Variants in MACROD1 observed in about 807,000 individuals in gnomAD.
The protein encoded by MACROD1 is ADP-ribose glycohydrolase MACROD1.
In MACROD1, 31 loss-of-function variants were observed where a neutral mutation model predicts 41.4. The observed-to-expected ratio is 0.75, with a 90% CI of 0.56 to 1.01. MACROD1 has a LOEUF of 1.01. Among genes scored for constraint, MACROD1 ranks in the 50% least tolerant of loss-of-function variants. The pLI is 0.00. For synonymous variants in MACROD1, 252 were observed against 203.4 expected, an observed-to-expected ratio of 1.24 and a Z score of -2.03; for missense variants, 473 against 460.0, an observed-to-expected ratio of 1.03 and a Z score of -0.26.
rs1012604281 is a variant in MACROD1, at chr11:64,068,841, G to A, written c.518-53560C>T. On this transcript the variant is annotated intron_variant, in intron 3 of 10. Transcript: ENST00000255681. The stretch of plus-strand genomic sequence containing the variant: ...CCTGTGTCACTGAGCAGCCCTCCCA[G>A]CCTGGTTGAGTGAGCCTCGGCCTTC... Among the ~76,000 whole-genome samples, 21 of 152,250 alleles carry A rather than the reference G, an allele frequency of 1.4e-4. No homozygotes were observed. In the East Asian group the frequency reaches 4.0e-3, roughly 29 times the overall value.
chr11:64,022,543 G>A (rs1005912508), intron 3 of MACROD1, among the ~76,000 whole-genome samples: 4 of 152,178 alleles, frequency 2.6e-5, no homozygotes, highest in Admixed American at 6.5e-5. Flanking sequence ...GTGGGTATCC[G>A]TGTGACTTGA....
chr11:64,059,682 CTG>C (rs1943859321), intron 3 of MACROD1, among the ~76,000 whole-genome samples: 1 of 152,188 alleles, frequency 6.6e-6, no homozygotes, highest in African/African-American at 2.4e-5. Context: ...GATGGGGAAA[CTG>C]AGGCCTAGGC....
intron 3 of MACROD1, chr11:64,148,734 C>T (rs1010502397): frequency 1.1e-5 from 11 of 985,616 alleles, no homozygotes; most frequent in Non-Finnish European, 1.1e-5. Flanking sequence ...TATGCAGCCC[C>T]GAAAAGCCCT....
intron 3 of MACROD1, chr11:64,117,434 T>C (rs747095942): frequency 3.3e-5 from 54 of 1,612,728 alleles, no homozygotes; most frequent in Non-Finnish European, 4.4e-5. Context: ...GCGTGGCCAA[T>C]GCGGCTGCCA....
intron 2 of MACROD1, 49 bp downstream of exon 2, chr11:64,152,243 C>T: frequency 6.5e-7 from 1 of 1,538,926 alleles, no homozygotes. Flanking sequence ...TTCTCCCAAG[C>T]CACGGGTCTG....
intron 3 of MACROD1, among the ~76,000 whole-genome samples, chr11:64,052,336 A>G (rs1476764679): frequency 6.6e-6 from 1 of 152,144 alleles, no homozygotes; most frequent in Non-Finnish European, 1.5e-5. Flanking sequence ...GTGACCCTGG[A>G]AAGAGTTTTT....
chr11:64,032,761 G>A lies in MACROD1; in HGVS notation c.518-17480C>T, dbSNP rs1238305371. On this transcript the variant is annotated intron_variant, in intron 3 of 10. Coordinates refer to ENST00000255681, the MANE Select transcript of MACROD1 (RefSeq NM_014067.4). ...CCACAGCTCCCAGGGGCTCGGCAAG[G>A]GTTTGTTGACTGAACAGTGATCTTT... 2.6e-5 allele frequency among the ~76,000 whole-genome samples: 4 copies of A among 152,112 alleles called. No homozygotes were observed. In the East Asian group the frequency reaches 5.8e-4, roughly 22 times the overall value.
intron 3 of MACROD1, among the ~76,000 whole-genome samples, chr11:64,035,079 C>T (rs1239742119): frequency 6.6e-6 from 1 of 152,208 alleles, no homozygotes; most frequent in African/African-American, 2.4e-5. Context: ...TCTTCTTCAT[C>T]TCTCACAGTA....
intron 3 of MACROD1, chr11:64,138,685 G>T (rs1945366545): frequency 2.7e-6 from 1 of 367,468 alleles, no homozygotes; most frequent in Non-Finnish European, 3.8e-6. Flanking sequence ...AAGACAGGGA[G>T]GAGGCAGCAG....
intron 4 of MACROD1, among the ~76,000 whole-genome samples, chr11:64,002,247 G>A (rs1942838026): frequency 6.6e-6 from 1 of 152,198 alleles, no homozygotes. Context: ...GAAGTCTCTG[G>A]GGGCTCACCG....
At chr11:64,061,173 T>C (rs530354716) in intron 3 of MACROD1, among the ~76,000 whole-genome samples, 1 of 152,322 alleles carries the variant, frequency 6.6e-6, no homozygotes, top group East Asian at 1.9e-4. Context: ...TTGTAATGAG[T>C]ATGGATTTGC....
At chr11:64,060,836 G>A (rs901278762) in intron 3 of MACROD1, among the ~76,000 whole-genome samples, 7 of 152,170 alleles carry the variant, frequency 4.6e-5, no homozygotes, top group African/African-American at 1.7e-4. Context: ...CCGGGTCCCG[G>A]AGCCGGCGGG....
chr11:64,067,398 A>T lies in MACROD1; in HGVS notation c.518-52117T>A, dbSNP rs76628678. 1.3e-5 allele frequency among the ~76,000 whole-genome samples: 2 copies of T among 152,162 alleles called. No individual in the cohort carries two copies. Among genetic ancestry groups the T allele is most frequent in the Non-Finnish European group, 2.9e-5 (2 of 68,022 alleles). ...GACGTGAAAATGAAATATAGATTCA[A>T]TACCTGAGCCTTTCAGCTCACAAAT... On this transcript the variant is annotated intron_variant, in intron 3 of 10. Coordinates refer to ENST00000255681, the MANE Select transcript of MACROD1 (RefSeq NM_014067.4). This position sits in a 1 kb window ranked among gnomAD's most constrained non-coding sequence, Gnocchi z 4.6.
At chr11:64,163,543 A>G (rs1945789064) in intron 1 of MACROD1, among the ~76,000 whole-genome samples, 1 of 152,186 alleles carries the variant, frequency 6.6e-6, no homozygotes, top group African/African-American at 2.4e-5. Context: ...AGCTTAGGAC[A>G]TCTATCCCAT....
At chr11:64,017,746 G>A (rs1377594259) in intron 3 of MACROD1, among the ~76,000 whole-genome samples, 1 of 152,092 alleles carries the variant, frequency 6.6e-6, no homozygotes, top group African/African-American at 2.4e-5. Flanking sequence ...GGCAGTCCTG[G>A]CAGCGGTCGG....
At chr11:64,002,561 C>T (rs962533234) in intron 4 of MACROD1, among the ~76,000 whole-genome samples, 1 of 152,148 alleles carries the variant, frequency 6.6e-6, no homozygotes, top group Non-Finnish European at 1.5e-5. Context: ...CAGCCCACTG[C>T]TACCCCAACA....
intron 3 of MACROD1, among the ~76,000 whole-genome samples, chr11:64,125,717 C>T (rs1048138150): frequency 6.6e-6 from 1 of 152,214 alleles, no homozygotes; most frequent in Admixed American, 6.5e-5. Flanking sequence ...CTGCCCCAAC[C>T]TGTGTCAGTA....
intron 2 of MACROD1, among the ~76,000 whole-genome samples, chr11:64,151,820 CTTG>C (rs1311527955): frequency 3.9e-5 from 6 of 152,170 alleles, no homozygotes; most frequent in African/African-American, 7.2e-5. Flanking sequence ...AAAAATTGCA[CTTG>C]TTGTGTTAAT....
intron 4 of MACROD1, among the ~76,000 whole-genome samples, chr11:64,008,482 G>C (rs1942951420): frequency 6.6e-6 from 1 of 151,562 alleles, no homozygotes. Context: ...AGCAGTGGAG[G>C]GGGTGTCGGA....
Sources: gnomAD v4.1 joint callset for allele counts (sites outside exome capture counted in the v4.1 genomes callset) on GRCh38, gnomAD v4.1.1 for gene constraint, Gnocchi (gnomAD v3.1) non-coding constraint, MANE v1.5 for transcripts, NCBI Gene and HGNC (gene_info 2026-07-23, HGNC 2026-07-21) for gene names.